Variants in WWC2 observed in about 807,000 individuals in gnomAD.
WWC2 encodes protein WWC2.
WWC2 carries 101 observed loss-of-function variants against 138.5 expected under a neutral mutation model. The observed-to-expected ratio is 0.73, with a 90% CI of 0.62 to 0.86. WWC2 has a LOEUF of 0.86. WWC2 is among the 40% of genes least tolerant of loss of function. The pLI is 0.00. For synonymous variants in WWC2, 558 were observed against 538.4 expected, an observed-to-expected ratio of 1.04 and a Z score of -0.50; for missense variants, 1,420 against 1,419.4, an observed-to-expected ratio of 1.00 and a Z score of -0.01.
At chr4:183,120,482 G>A (rs1379718670) in intron 1 of WWC2, among the ~76,000 whole-genome samples, 2 of 152,138 alleles carry the variant, frequency 1.3e-5, no homozygotes, top group African/African-American at 2.4e-5. Flanking sequence ...TGTAGACTAG[G>A]GGAATAACTT....
rs61554831 is a variant in WWC2, at chr4:183,247,540, CTATA to C, written c.733-1167_733-1164del. On this transcript the variant is annotated intron_variant, in intron 6 of 22. Transcript: ENST00000403733. Reference sequence around the variant, plus strand: ...CTATACTATATATATACTATATATACTATATATATACTGTATATACTATATATGC... The same window carrying C: ...CTATACTATATATATACTATATATACTATATACTGTATATACTATATATGC... Among the ~76,000 whole-genome samples, 335 of 137,098 alleles carry C rather than the reference CTATA, an allele frequency of 2.4e-3. 4 individuals are homozygous for C. The highest frequency in any genetic ancestry group is 8.1e-3 in the African/African-American group (286 of 35,506). The allele number at this position is 137,098 out of a possible 152,430, so 89.9% of individuals were successfully genotyped here.
rs942577794 is a variant in WWC2, at chr4:183,264,440, GTTT to G, written c.1910-534_1910-532del. The stretch of plus-strand genomic sequence containing the variant: ...TACTAAAGATTCAGTAGCACAAAAA[GTTT>G]TTTAATGGTATTGGCTGGTGAGGAG... On this transcript the variant is annotated intron_variant, in intron 11 of 22. Transcript: ENST00000403733. 3.3e-5 allele frequency among the ~76,000 whole-genome samples: 5 copies of G among 152,302 alleles called. No individual in the cohort carries two copies. In the East Asian group the frequency reaches 9.6e-4, roughly 29 times the overall value.
At chr4:183,305,589 A>G (rs1476300749) in intron 21 of WWC2, among the ~76,000 whole-genome samples, 1 of 152,194 alleles carries the variant, frequency 6.6e-6, no homozygotes, top group Non-Finnish European at 1.5e-5. Context: ...CATACAAGCA[A>G]GAAGAGAGTG....
chr4:183,287,455 C>T (rs1004605005), intron 20 of WWC2, among the ~76,000 whole-genome samples: 1 of 152,064 alleles, frequency 6.6e-6, no homozygotes, highest in African/African-American at 2.4e-5. Flanking sequence ...TAAATATTAA[C>T]CAAAAGTGTT....
intron 1 of WWC2, among the ~76,000 whole-genome samples, chr4:183,164,281 TA>T (rs1445130424): frequency 5.1e-3 from 5 of 972 alleles, no homozygotes; most frequent in African/African-American, 8.0e-3. Flanking sequence ...TATATATATA[TA>T]TATATATATA....
At chr4:183,154,022 A>AC (rs1733724503) in intron 1 of WWC2, among the ~76,000 whole-genome samples, 6 of 151,100 alleles carry the variant, frequency 4.0e-5, no homozygotes, top group African/African-American at 1.5e-4. Context: ...AAAAAAAAAA[A>AC]AAAAAACCCC....
At chr4:183,300,341 C>T (rs201341829) in intron 21 of WWC2, among the ~76,000 whole-genome samples, 2,946 of 136,226 alleles carry the variant, frequency 0.022, 82 homozygotes, top group African/African-American at 0.074. Context: ...GCAGGAATTT[C>T]TTTTTTTTTT....
At chr4:183,137,679 T>C (rs2111087465) in intron 1 of WWC2, among the ~76,000 whole-genome samples, 1 of 152,236 alleles carries the variant, frequency 6.6e-6, no homozygotes, top group African/African-American at 2.4e-5. Context: ...TTGTATTTTT[T>C]GTAAGGACAA....
At chr4:183,171,027 T>C (rs1335911262) in intron 1 of WWC2, among the ~76,000 whole-genome samples, 1 of 152,218 alleles carries the variant, frequency 6.6e-6, no homozygotes, top group Non-Finnish European at 1.5e-5. Flanking sequence ...GATGAGAGCT[T>C]ACAGTGACAT....
intron 1 of WWC2, among the ~76,000 whole-genome samples, chr4:183,122,007 G>A (rs1410858552): frequency 6.6e-6 from 1 of 151,698 alleles, no homozygotes; most frequent in Non-Finnish European, 1.5e-5. Flanking sequence ...GGATGGTCTC[G>A]ATCTCCTGGC....
rs1338975946 is a variant in WWC2 at position 183,260,954 on chromosome 4, G to T, written c.1331G>T (p.Gly444Val). 1 of 1,613,898 alleles carries T rather than the reference G, an allele frequency of 6.2e-7. No homozygotes were observed. ...TCCATGTCATCTGGGAGCAGCCTGG[G>T]TTCCCTGGCATCGAGTCGGGGCTCT... ...TLSMSSGSSLGSLASSRGSLN... is the reference protein window; with the variant it reads ...TLSMSSGSSLVSLASSRGSLN... Residue 444 changes from glycine to valine, a missense_variant, in exon 11 of 23, where the codon GGT (glycine) becomes GTT (valine). By Grantham distance (109) the Gly-to-Val change is moderately radical (BLOSUM62 -3). Coordinates refer to ENST00000403733, the MANE Select transcript of WWC2 (RefSeq NM_024949.6).
At chr4:183,225,839 G>A (rs1326720342) in intron 4 of WWC2, among the ~76,000 whole-genome samples, 1 of 152,190 alleles carries the variant, frequency 6.6e-6, no homozygotes. Flanking sequence ...CTGTATTGGG[G>A]TGGGGAGATT....
intron 16 of WWC2, among the ~76,000 whole-genome samples, chr4:183,277,843 ATTTG>A (rs1307146631): frequency 1.3e-5 from 2 of 150,386 alleles, no homozygotes; most frequent in Non-Finnish European, 3.0e-5. Context: ...TTTCTTGTAA[ATTTG>A]TTTGAGTTCA....
At chr4:183,185,478 G>A (rs540420481) in intron 1 of WWC2, among the ~76,000 whole-genome samples, 8 of 152,280 alleles carry the variant, frequency 5.3e-5, no homozygotes, top group African/African-American at 1.7e-4. Context: ...TTTTTCAAAA[G>A]CGACTTTTGA....
intron 21 of WWC2, among the ~76,000 whole-genome samples, chr4:183,305,479 A>G (rs1374847105): frequency 2.0e-5 from 3 of 152,014 alleles, no homozygotes; most frequent in Admixed American, 2.0e-4. Flanking sequence ...AAACTGCAGA[A>G]AATTAAAAAT....
At chr4:183,143,970 A>G (rs919862801) in intron 1 of WWC2, among the ~76,000 whole-genome samples, 2 of 152,342 alleles carry the variant, frequency 1.3e-5, no homozygotes, top group African/African-American at 2.4e-5. Context: ...ATATTCCAGA[A>G]TGAACTCTTT....
chr4:183,137,687 C>T (rs1733164290), intron 1 of WWC2, among the ~76,000 whole-genome samples: 1 of 152,016 alleles, frequency 6.6e-6, no homozygotes, highest in African/African-American at 2.4e-5. Flanking sequence ...TTTGTAAGGA[C>T]AAGATTTTGC....
intron 1 of WWC2, among the ~76,000 whole-genome samples, chr4:183,143,659 T>G (rs549548872): frequency 7.2e-5 from 11 of 151,826 alleles, no homozygotes; most frequent in African/African-American, 2.7e-4. Flanking sequence ...ATGCAAAAAT[T>G]TAGCTGGGCA....
intron 4 of WWC2, among the ~76,000 whole-genome samples, chr4:183,213,013 AC>A (rs1165727090): frequency 1.5e-4 from 23 of 152,366 alleles, no homozygotes; most frequent in African/African-American, 5.0e-4. Flanking sequence ...AGATATTCAT[AC>A]ATAACTATAA....
Sources: gnomAD v4.1 joint callset for allele counts (sites outside exome capture counted in the v4.1 genomes callset) on GRCh38, gnomAD v4.1.1 for gene constraint, MANE v1.5 for transcripts, NCBI Gene and HGNC (gene_info 2026-07-23, HGNC 2026-07-21) for gene names.